EBF2: variants seen among roughly 807,000 people sequenced by gnomAD.
The protein encoded by EBF2 is transcription factor COE2.
A neutral mutation model predicts 72.8 loss-of-function variants in EBF2; 21 were observed. The observed-to-expected ratio is 0.29, with a 90% CI of 0.20 to 0.42. EBF2 has a LOEUF of 0.42. Among genes scored for constraint, EBF2 ranks in the 10% least tolerant of loss-of-function variants. The pLI, the probability that EBF2 is intolerant of heterozygous loss-of-function variation, is 1.00. For missense variants in EBF2, 637 were observed against 731.2 expected (o/e 0.87, Z 1.49); for synonymous variants, 299 against 274.2 (o/e 1.09, Z -0.89).
rs532686687 is a variant in EBF2, at chr8:26,004,106, T to C, written c.551+28979A>G. The stretch of plus-strand genomic sequence containing the variant: ...CAAAGACCTTAGGACAAGACTGACA[T>C]GTTAAAAAAAGAAAAAAAAAAAGGA... On this transcript the variant is annotated intron_variant, in intron 6 of 15. Transcript: ENST00000520164. Among the ~76,000 whole-genome samples the C allele has an allele frequency of 1.8e-4, 21 of 113,748 alleles. 1 individual carries two copies. In the South Asian group the frequency reaches 5.6e-3, roughly 30 times the overall value. 74.6% of individuals were successfully genotyped at this position (113,748 alleles called of 152,430 possible).
At chr8:25,981,548 T>A (rs1804361477) in intron 6 of EBF2, among the ~76,000 whole-genome samples, 1 of 152,076 alleles carries the variant, frequency 6.6e-6, no homozygotes, top group African/African-American at 2.4e-5. Context: ...CTCACGCCTA[T>A]CAGTACTTTG....
chr8:25,963,170 G>T (rs1043964251), intron 6 of EBF2, among the ~76,000 whole-genome samples: 4 of 152,190 alleles, frequency 2.6e-5, no homozygotes, highest in Non-Finnish European at 5.9e-5. Context: ...CAGTGAAGAG[G>T]TCCTTAGTGC....
chr8:26,009,563 A>G (rs1804943378), intron 6 of EBF2, among the ~76,000 whole-genome samples: 1 of 152,208 alleles, frequency 6.6e-6, no homozygotes. Context: ...CAACTTGGGT[A>G]TTGACTCTAT....
chr8:26,035,455 C>G (rs1805485573), intron 5 of EBF2, among the ~76,000 whole-genome samples: 1 of 152,128 alleles, frequency 6.6e-6, no homozygotes, highest in South Asian at 2.1e-4. Context: ...AAGCCCCAGT[C>G]CTAGCTCTGT....
At chr8:25,999,494 T>C (rs1192226790) in intron 6 of EBF2, among the ~76,000 whole-genome samples, 1 of 152,158 alleles carries the variant, frequency 6.6e-6, no homozygotes, top group Admixed American at 6.5e-5. Flanking sequence ...TGCAATTTTT[T>C]TTCCTATACT....
chr8:25,940,830 G>C (rs1246509244), intron 6 of EBF2, among the ~76,000 whole-genome samples: 1 of 151,992 alleles, frequency 6.6e-6, no homozygotes, highest in Non-Finnish European at 1.5e-5. Context: ...GCCTCTTGAG[G>C]GAAGGCATGT....
intron 6 of EBF2, among the ~76,000 whole-genome samples, chr8:25,941,495 T>C (rs1244112915): frequency 6.6e-6 from 1 of 152,192 alleles, no homozygotes; most frequent in African/African-American, 2.4e-5. Context: ...CGTGAGCCAC[T>C]ATGCCCAGCT....
intron 6 of EBF2, among the ~76,000 whole-genome samples, chr8:26,003,178 T>A (rs948220805): frequency 1.3e-5 from 2 of 152,098 alleles, no homozygotes; most frequent in Non-Finnish European, 2.9e-5. Flanking sequence ...TTGGGTAACA[T>A]TGGACTGGGA....
At chr8:26,002,948 G>GGCA (rs1804765976) in intron 6 of EBF2, among the ~76,000 whole-genome samples, 1 of 72,564 alleles carries the variant, frequency 1.4e-5, no homozygotes, top group Non-Finnish European at 3.6e-5. Flanking sequence ...GCAGGCGGGC[G>GGCA]GGCAGGCAGG....
intron 6 of EBF2, among the ~76,000 whole-genome samples, chr8:25,972,870 C>CTT (rs35053241): frequency 0.35 from 43,844 of 124,232 alleles, 7,722 homozygotes; most frequent in East Asian, 0.78. Flanking sequence ...TGCAGTTTGG[C>CTT]TTTTTTTTTT....
Position 26,044,910 on chromosome 8 carries a change from A to C in EBF2, c.-51T>G, listed in dbSNP as rs1416464214. 1 of 1,585,494 alleles carries C rather than the reference A, an allele frequency of 6.3e-7. No individual in the cohort carries two copies. The highest frequency in any genetic ancestry group is 8.6e-7 in the Non-Finnish European group (1 of 1,161,062). On this transcript the variant is annotated 5_prime_UTR_variant, in exon 1 of 16. Coordinates refer to ENST00000520164, the MANE Select transcript of EBF2 (RefSeq NM_022659.4). This position sits in a 1 kb window ranked among gnomAD's most constrained non-coding sequence, Gnocchi z 4.1. ...GCTTTAAAAGTAAGAGTTACAACAC[A>C]GTCCTGACTGTTCCCAACGTTGCCA...
chr8:25,878,545 G>A (rs1802558981), intron 10 of EBF2, among the ~76,000 whole-genome samples: 1 of 152,156 alleles, frequency 6.6e-6, no homozygotes, highest in African/African-American at 2.4e-5. Flanking sequence ...AAGACAGGAG[G>A]CCACCAACCT....
Position 25,852,063 on chromosome 8 carries a change from C to T in EBF2, c.1529-1302G>A, listed in dbSNP as rs555835125. ...AAAAACATCTTATCCTTAAAGTAGT[C>T]TTGATTTAAGGAGCTATGCATCTGA... On this transcript the variant is annotated intron_variant, in intron 14 of 15. Coordinates refer to ENST00000520164, the MANE Select transcript of EBF2 (RefSeq NM_022659.4). Among the ~76,000 whole-genome samples the T allele has an allele frequency of 1.3e-4, 20 of 152,196 alleles. 1 individual carries two copies. In the South Asian group the frequency reaches 4.2e-3, roughly 32 times the overall value.
chr8:25,990,008 C>T (rs1804519725), intron 6 of EBF2, among the ~76,000 whole-genome samples: 1 of 152,116 alleles, frequency 6.6e-6, no homozygotes, highest in Non-Finnish European at 1.5e-5. Context: ...TCTCCTCTTC[C>T]CAGCCTTGAA....
At chr8:25,888,494 T>G (rs1377926458) in intron 8 of EBF2, among the ~76,000 whole-genome samples, 2 of 152,228 alleles carry the variant, frequency 1.3e-5, no homozygotes, top group African/African-American at 4.8e-5. Context: ...TTGATCACAC[T>G]GGAAATGTGT....
Position 25,943,202 on chromosome 8 carries a change from C to T in EBF2, c.552-34647G>A, listed in dbSNP as rs186544253. ...TAAAACAAGGCCAGGCGGGATGGCTCATGCCTGTAATCTCAGGGTTTTGGG... is the reference window on the plus strand; with the variant it reads ...TAAAACAAGGCCAGGCGGGATGGCTTATGCCTGTAATCTCAGGGTTTTGGG... On this transcript the variant is annotated intron_variant, in intron 6 of 15. Transcript: ENST00000520164. 7.3e-4 allele frequency among the ~76,000 whole-genome samples: 110 copies of T among 150,894 alleles called. 2 individuals carry two copies. The highest frequency in any genetic ancestry group is 1.3e-3 in the South Asian group (6 of 4,790).
At chr8:26,011,131 C>A (rs1418542384) in intron 6 of EBF2, among the ~76,000 whole-genome samples, 2 of 152,150 alleles carry the variant, frequency 1.3e-5, no homozygotes, top group African/African-American at 4.8e-5. Context: ...TAAAGGCAAA[C>A]CACATTTATC....
chr8:26,005,648 A>C (rs1804867069), intron 6 of EBF2, among the ~76,000 whole-genome samples: 1 of 134,448 alleles, frequency 7.4e-6, no homozygotes, highest in South Asian at 2.3e-4. Flanking sequence ...TGGGCAACAT[A>C]GTGAGACTCT....
At chr8:26,011,567 G>A (rs1299123440) in intron 6 of EBF2, among the ~76,000 whole-genome samples, 4 of 151,684 alleles carry the variant, frequency 2.6e-5, no homozygotes, top group Non-Finnish European at 5.9e-5. Context: ...ATGCCACAAT[G>A]TCAAAGCCAG....
Sources: allele counts gnomAD v4.1 joint callset (sites outside exome capture counted in the v4.1 genomes callset), GRCh38; gene constraint gnomAD v4.1.1; non-coding constraint Gnocchi (gnomAD v3.1); transcripts MANE v1.5; gene names NCBI Gene and HGNC (gene_info 2026-07-23, HGNC 2026-07-21).